RALGAPB: variants seen among roughly 807,000 people sequenced by gnomAD.
The protein encoded by RALGAPB is ral GTPase-activating protein subunit beta.
Under a neutral mutation model 161.1 loss-of-function variants are expected in RALGAPB, and 25 were observed. The ratio of observed to expected loss-of-function variants is 0.16; its 90% CI spans 0.11 to 0.22. The LOEUF (loss-of-function observed/expected upper bound fraction) is 0.22, where lower values mean the gene tolerates loss of function less well. Ranked by LOEUF, RALGAPB falls within the 10% of genes least tolerant of loss-of-function variation. The pLI, the probability that RALGAPB is intolerant of heterozygous loss-of-function variation, is 1.00. For synonymous variants in RALGAPB, 629 were observed against 626.1 expected (o/e 1.00, Z -0.07); for missense variants, 1,391 against 1,815.2 (o/e 0.77, Z 4.25).
chr20:38,511,585 C>T (rs529190340), intron 6 of RALGAPB, among the ~76,000 whole-genome samples: 1 of 152,220 alleles, frequency 6.6e-6, no homozygotes, highest in South Asian at 2.1e-4. Flanking sequence ...ACATCTTGCA[C>T]CGCCATTAAT....
chr20:38,551,026 G>T, intron 20 of RALGAPB, 45 bp from the exon 21 acceptor site: 2 of 1,593,254 alleles, frequency 1.3e-6, no homozygotes, highest in Non-Finnish European at 1.7e-6. Flanking sequence ...TTACAGATGG[G>T]TATTGGACCC....
rs937558596 is a variant in RALGAPB, at chr20:38,553,791, A to C, written c.3163-76A>C. The C allele has an allele frequency of 9.6e-6, 8 of 831,596 alleles. No individual in the cohort carries two copies. In the African/African-American group the frequency reaches 1.4e-4, roughly 15 times the overall value. 51.5% of individuals were successfully genotyped at this position (831,596 alleles called of 1,614,324 possible). A position where few individuals can be genotyped will look rare whatever the true frequency, so the allele number is the denominator to read the frequency against. On this transcript the variant is annotated intron_variant, in intron 21 of 29. Transcript: ENST00000262879. ...GAGCCCAGTCTCAAAAAAAAAAAAA[A>C]AAAAAAAAAACACTTAAGATTGGCC... is the stretch of plus-strand genomic sequence containing the variant.
At position 38,521,679 on chromosome 20, in the gene RALGAPB, C is replaced by T; in HGVS notation, c.1600C>T (p.Leu534=). 6.2e-7 allele frequency: 1 copy of T among 1,614,006 alleles called. No individual in the cohort carries two copies. Among genetic ancestry groups the T allele is most frequent in the Non-Finnish European group, 8.5e-7 (1 of 1,179,952 alleles). ...FCSKKTGEEI[L]PAYLSRFYML... is the part of the protein sequence containing the mutation. ...TAGCAAGAAGACTGGAGAAGAGATT[C>T]TGCCAGCTTATTTATCCAGGTCTTG... Residue 534 remains leucine, a synonymous_variant, in exon 10 of 30, where the codon CTG becomes TTG. Coordinates refer to ENST00000262879, the MANE Select transcript of RALGAPB (RefSeq NM_020336.4).
intron 26 of RALGAPB, 74 bp downstream of exon 26, chr20:38,567,306 G>T (rs918811940): frequency 6.5e-7 from 1 of 1,541,066 alleles, no homozygotes; most frequent in Non-Finnish European, 8.7e-7. Context: ...TGCCTGAAAA[G>T]CTTTTAACCC....
chr20:38,505,513 A>G (rs2085735308), intron 5 of RALGAPB, among the ~76,000 whole-genome samples: 1 of 152,224 alleles, frequency 6.6e-6, no homozygotes, highest in Admixed American at 6.5e-5. Flanking sequence ...GTATACCCAG[A>G]TAACCTGCAC....
intron 1 of RALGAPB, among the ~76,000 whole-genome samples, chr20:38,485,556 G>C (rs2122846307): frequency 6.6e-6 from 1 of 152,250 alleles, no homozygotes; most frequent in East Asian, 1.9e-4. Flanking sequence ...CTCCTGAGTA[G>C]TTGGGAATTA....
intron 5 of RALGAPB, 197 bp downstream of exon 5, chr20:38,499,830 T>G: frequency 2.4e-6 from 1 of 408,652 alleles, no homozygotes; most frequent in Non-Finnish European, 4.1e-6. Context: ...TCAAGTATTC[T>G]TGAGAAACAG....
At chr20:38,512,763 A>G (rs1414527004) in intron 6 of RALGAPB, among the ~76,000 whole-genome samples, 5 of 151,814 alleles carry the variant, frequency 3.3e-5, no homozygotes, top group Non-Finnish European at 7.4e-5. Context: ...ATTTATTTTT[A>G]TTTATTTATT....
At chr20:38,548,380 C>G (rs1426150030) in intron 19 of RALGAPB, among the ~76,000 whole-genome samples, 1 of 152,188 alleles carries the variant, frequency 6.6e-6, no homozygotes, top group African/African-American at 2.4e-5. Context: ...GTGAGATGAT[C>G]TTAGTTGATA....
At chr20:38,484,455 C>A (rs893981433) in intron 1 of RALGAPB, among the ~76,000 whole-genome samples, 2 of 152,148 alleles carry the variant, frequency 1.3e-5, no homozygotes, top group Non-Finnish European at 2.9e-5. Flanking sequence ...AATTCAGTTA[C>A]CAAAACTAGT....
At chr20:38,478,910 C>A (rs1432488191) in intron 1 of RALGAPB, among the ~76,000 whole-genome samples, 1 of 152,154 alleles carries the variant, frequency 6.6e-6, no homozygotes, top group East Asian at 1.9e-4. Context: ...GCCACTGCAC[C>A]CGGCCAATTT....
At chr20:38,517,370 G>C (rs546842239) in intron 7 of RALGAPB, 136 bp from the exon 8 acceptor site, 2 of 746,184 alleles carry the variant, frequency 2.7e-6, no homozygotes, top group South Asian at 6.0e-5. Flanking sequence ...ATAGTGAGTA[G>C]ATACTGAGAG....
At chr20:38,551,882 G>A (rs932890040) in intron 21 of RALGAPB, among the ~76,000 whole-genome samples, 30 of 152,144 alleles carry the variant, frequency 2.0e-4, no homozygotes, top group Non-Finnish European at 3.5e-4. Context: ...AGGAATGGAG[G>A]AAGGGCTACA....
intron 1 of RALGAPB, among the ~76,000 whole-genome samples, chr20:38,485,015 A>G (rs1029635714): frequency 6.6e-6 from 1 of 152,154 alleles, no homozygotes; most frequent in Non-Finnish European, 1.5e-5. Context: ...TGATTTTTCT[A>G]GAGTTGTGAA....
chr20:38,493,491 A>G (rs2085333744), intron 3 of RALGAPB, among the ~76,000 whole-genome samples: 1 of 152,224 alleles, frequency 6.6e-6, no homozygotes, highest in Non-Finnish European at 1.5e-5. Flanking sequence ...ATCTACCTTA[A>G]TAGGCATCTT....
rs147275376 is a variant in RALGAPB, at chr20:38,551,708, A to T, written c.3162+485A>T. Among the ~76,000 whole-genome samples, 28 of 152,334 alleles carry T rather than the reference A, an allele frequency of 1.8e-4. No homozygotes were observed. The East Asian group carries it at 4.4e-3, about 24-fold the overall frequency. On this transcript the variant is annotated intron_variant, in intron 21 of 29. Transcript: ENST00000262879. ...AGAGATATCAGTGCCATTTACAGAA[A>T]TGCAGACATTAGGAAGAGGATAGAT...
chr20:38,553,822 AGTTTGATAATAG>A (rs1011508519), intron 21 of RALGAPB, 33 bp from the exon 22 acceptor site: 3 of 956,962 alleles, frequency 3.1e-6, no homozygotes, highest in Non-Finnish European at 3.3e-6. Flanking sequence ...TGGCCTTACT[AGTTTGATAATAG>A]TTTCAAAAAA....
In RALGAPB at chr20:38,575,136, G is replaced by T; in HGVS notation, c.*169G>T. On this transcript the variant is annotated 3_prime_UTR_variant, in exon 30 of 30. Coordinates refer to ENST00000262879, the MANE Select transcript of RALGAPB (RefSeq NM_020336.4). ...TAACCCATTTGATAGAAGACTTTGG[G>T]CTATCTAGTGAAATGGGCTCCCAGA... The T allele has an allele frequency of 1.6e-6, 1 of 613,816 alleles. No homozygotes were observed. Among genetic ancestry groups the T allele is most frequent in the Non-Finnish European group, 2.8e-6 (1 of 356,798 alleles). The allele number at this position is 613,816 out of a possible 1,614,324, so 38.0% of individuals were successfully genotyped here.
chr20:38,534,516 T>C (rs1225124310), intron 15 of RALGAPB: 4 of 152,458 alleles, frequency 2.6e-5, no homozygotes, highest in African/African-American at 9.7e-5. Flanking sequence ...CAAATAAAAA[T>C]ATGGTGGCTT....
Sources: gnomAD v4.1 joint callset for allele counts (sites outside exome capture counted in the v4.1 genomes callset) on GRCh38, gnomAD v4.1.1 for gene constraint, MANE v1.5 for transcripts, NCBI Gene and HGNC (gene_info 2026-07-23, HGNC 2026-07-21) for gene names.